KRI1: variants seen among roughly 807,000 people sequenced by gnomAD.
KRI1 encodes KRI1 homolog.
A neutral mutation model predicts 97.0 loss-of-function variants in KRI1; 83 were observed. That is an observed-to-expected ratio of 0.86 (90% CI 0.72 to 1.03). The LOEUF is 1.03. KRI1 is among the 50% of genes least tolerant of loss of function. KRI1 has a pLI of 0.00. For synonymous variants in KRI1, 371 were observed against 363.5 expected, an observed-to-expected ratio of 1.02 and a Z score of -0.23; for missense variants, 916 against 928.4, an observed-to-expected ratio of 0.99 and a Z score of 0.17.
Position 10,561,821 on chromosome 19 carries a change from T to A in KRI1, c.408A>T (p.Ser136=), listed in dbSNP as rs1371065865. The A allele has an allele frequency of 6.2e-7, 1 of 1,613,988 alleles. No homozygotes were observed. The highest frequency in any genetic ancestry group is 1.7e-5 in the Admixed American group (1 of 59,994). The change falls in exon 5 of 19, where the codon TCA becomes TCT. Residue 136 remains serine (S), a synonymous_variant. Coordinates refer to ENST00000312962, the MANE Select transcript of KRI1 (RefSeq NM_023008.5). Reference sequence around the variant, plus strand: ...GTCTGTGATTGGAAGTCTCCCCGTCTGAGTTCTCCTCATCAACATATTTGC... The same window carrying A: ...GTCTGTGATTGGAAGTCTCCCCGTCAGAGTTCTCCTCATCAACATATTTGC... ...KAGKYVDEEN[S]DGETSNHRLQ...
intron 12 of KRI1, 110 bp downstream of exon 12, chr19:10,559,249 C>A (rs1044143220): frequency 8.3e-6 from 10 of 1,211,268 alleles, no homozygotes; most frequent in Middle Eastern, 4.0e-4. Flanking sequence ...AGGTGATCTG[C>A]CTGCCTTAGC....
At chr19:10,565,152 G>T in intron 2 of KRI1, 118 bp from the exon 3 acceptor site, 1 of 716,500 alleles carries the variant, frequency 1.4e-6, no homozygotes, top group Non-Finnish European at 2.5e-6. Context: ...GGCTGGGGAG[G>T]TCAAACAGGT....
chr19:10,556,627 A>C (rs1279905945), intron 16 of KRI1, among the ~76,000 whole-genome samples: 1 of 151,758 alleles, frequency 6.6e-6, no homozygotes, highest in Non-Finnish European at 1.5e-5. Flanking sequence ...AGTTTGCACC[A>C]CCGCATGCCG....
At position 10,565,936 on chromosome 19, in the gene KRI1, G is replaced by A. The variant is rs1282271636; in HGVS notation, c.64C>T (p.Arg22Cys). Reference sequence around the variant, plus strand: ...TGCAGTTCCTCGCGCTCCCGGTAGCGGTTGTACCGCGCGGCAAACGCCGCG... The same window carrying A: ...TGCAGTTCCTCGCGCTCCCGGTAGCAGTTGTACCGCGCGGCAAACGCCGCG... Reference protein sequence around the residue: ...VNAAFAARYNRYREREELQRL... With the variant: ...VNAAFAARYNCYREREELQRL... Residue 22 changes from arginine (R) to cysteine (C), a missense_variant, in exon 1 of 19, where the codon CGC (arginine) becomes TGC (cysteine). Physicochemically the swap from Arg to Cys is radical, Grantham distance 180. Transcript: ENST00000312962. 3 of 1,532,934 alleles carry A rather than the reference G, an allele frequency of 2.0e-6. No homozygotes were observed. The highest frequency in any genetic ancestry group is 2.4e-5 in the South Asian group (2 of 82,916). 95.0% of individuals were successfully genotyped at this position (1,532,934 alleles called of 1,614,324 possible).
intron 3 of KRI1, 130 bp from the exon 4 acceptor site, chr19:10,562,967 A>G (rs1916745237): frequency 3.1e-6 from 2 of 655,714 alleles, no homozygotes; most frequent in Admixed American, 2.5e-5. Context: ...CCAGCTGTCC[A>G]AGAGTATTGT....
chr19:10,559,371 G>A lies in KRI1; in HGVS notation c.1182C>T (p.Asp394=), dbSNP rs769549520. Residue 394 remains aspartate (D), a synonymous_variant, in exon 12 of 19, where the codon GAC becomes GAT. Transcript: ENST00000312962. ...LEDDFDPAQH[D]QLMQKCFGDE... is the part of the protein sequence containing the mutation. The stretch of plus-strand genomic sequence containing the variant: ...ATGAGGGCCGCACCTGCATGAGCTG[G>A]TCGTGCTGGGCAGGGTCGAAGTCGT... 1.2e-6 allele frequency: 2 copies of A among 1,613,874 alleles called. No homozygotes were observed. The highest frequency in any genetic ancestry group is 1.7e-5 in the Admixed American group (1 of 59,990).
At chr19:10,561,952 G>T in intron 4 of KRI1, 107 bp from the exon 5 acceptor site, 1 of 964,372 alleles carries the variant, frequency 1.0e-6, no homozygotes, top group Non-Finnish European at 1.6e-6. Context: ...GGTCATCGGA[G>T]GGCTATGGAA....
intron 2 of KRI1, 171 bp downstream of exon 2, chr19:10,565,546 C>T (rs1916839007): frequency 1.2e-6 from 1 of 827,824 alleles, no homozygotes; most frequent in Middle Eastern, 3.7e-4. Context: ...GATTTGGCTC[C>T]CCTGGGGAGA....
rs148099584 is a variant in KRI1 at position 10,557,688 on chromosome 19, C to G, written c.1487-6G>C. ...CTCCTCGAACGTCTTGTCCCCTGCTCGAGACAGAGCCAGGCTGCTGGGCTA... is the reference window on the plus strand; with the variant it reads ...CTCCTCGAACGTCTTGTCCCCTGCTGGAGACAGAGCCAGGCTGCTGGGCTA... On this transcript the variant is annotated splice_region_variant and splice_polypyrimidine_tract_variant and intron_variant, in intron 15 of 18. Coordinates refer to ENST00000312962, the MANE Select transcript of KRI1 (RefSeq NM_023008.5). The G allele has an allele frequency of 1.2e-6, 2 of 1,614,152 alleles. No individual in the cohort carries two copies. The highest frequency in any genetic ancestry group is 1.7e-6 in the Non-Finnish European group (2 of 1,180,012).
chr19:10,554,339 G>T, intron 18 of KRI1, 58 bp from the exon 19 acceptor site: 1 of 1,426,384 alleles, frequency 7.0e-7, no homozygotes, highest in Non-Finnish European at 9.8e-7. Context: ...CCATTCTTGA[G>T]CACGCATGCC....
intron 3 of KRI1, 61 bp from the exon 4 acceptor site, chr19:10,562,898 A>T (rs1916744025): frequency 9.5e-7 from 1 of 1,049,092 alleles, no homozygotes; most frequent in South Asian, 1.3e-5. Flanking sequence ...CGTGGCAGAG[A>T]ATCCCACAGG....
At chr19:10,556,434 G>A (rs546146714) in intron 16 of KRI1, among the ~76,000 whole-genome samples, 18 of 151,468 alleles carry the variant, frequency 1.2e-4, no homozygotes, top group Non-Finnish European at 2.2e-4. Flanking sequence ...TTGGGAGGCT[G>A]AGGCAGGCAG....
At position 10,553,869 on chromosome 19, in the gene KRI1, C is replaced by T. The variant is rs1314478676; in HGVS notation, c.*82G>A. On this transcript the variant is annotated 3_prime_UTR_variant, in exon 19 of 19. Transcript: ENST00000312962. Reference sequence around the variant, plus strand: ...GCCACAGATGAGAGGATCTCTGCAGCAGATAGTACTTGTGGGTGCGAGACC... The same window carrying T: ...GCCACAGATGAGAGGATCTCTGCAGTAGATAGTACTTGTGGGTGCGAGACC... 1.7e-6 allele frequency: 2 copies of T among 1,157,514 alleles called. No individual in the cohort carries two copies. Among genetic ancestry groups the T allele is most frequent in the Non-Finnish European group, 2.4e-6 (2 of 841,418 alleles). 71.7% of individuals were successfully genotyped at this position (1,157,514 alleles called of 1,614,324 possible). A position where few individuals can be genotyped will look rare whatever the true frequency, so the allele number is the denominator to read the frequency against.
intron 18 of KRI1, 125 bp from the exon 19 acceptor site, chr19:10,554,406 G>A: frequency 1.3e-6 from 1 of 787,830 alleles, no homozygotes; most frequent in East Asian, 2.7e-5. Flanking sequence ...AGCGACCGAG[G>A]GCCTGCCTGG....
At chr19:10,558,939 T>C (rs1384791574) in intron 12 of KRI1, among the ~76,000 whole-genome samples, 5 of 151,814 alleles carry the variant, frequency 3.3e-5, no homozygotes, top group Admixed American at 3.3e-4. Flanking sequence ...TCTCCTGACC[T>C]CGTGATCCGC....
chr19:10,557,677 T>C lies in KRI1; in HGVS notation c.1492A>G (p.Lys498Glu), dbSNP rs139776703. The change falls in exon 16 of 19, where the codon AAG (lysine) becomes GAG (glutamate). Residue 498 changes from lysine (K) to glutamate (E), a missense_variant. By Grantham distance (56) the Lys-to-Glu change is moderately conservative (BLOSUM62 1). This residue lies in a region of KRI1 where 672 missense variants were observed against 667.2 expected (regional missense o/e 1.01). Coordinates refer to ENST00000312962, the MANE Select transcript of KRI1 (RefSeq NM_023008.5). ...TCATCCAGGTACTCCTCGAACGTCT[T>C]GTCCCCTGCTCGAGACAGAGCCAGG... ...QEKPVFEPGDKTFEEYLDEYY... is the reference protein window; with the variant it reads ...QEKPVFEPGDETFEEYLDEYY... 136 of 1,614,168 alleles carry C rather than the reference T, an allele frequency of 8.4e-5. No individual in the cohort carries two copies. The highest frequency in any genetic ancestry group is 5.1e-4 in the African/African-American group (38 of 75,038).
chr19:10,560,908 CAT>C (rs1302511466), intron 8 of KRI1, 93 bp downstream of exon 8: 19 of 941,022 alleles, frequency 2.0e-5, no homozygotes, highest in Non-Finnish European at 3.2e-5. Flanking sequence ...CAGAGATGTA[CAT>C]ATCCCATCTT....
At chr19:10,565,814 C>CCCCG (rs761321048) in intron 1 of KRI1, 24 bp from the exon 2 acceptor site, 1 of 1,549,918 alleles carries the variant, frequency 6.5e-7, no homozygotes, top group Non-Finnish European at 8.7e-7. Flanking sequence ...ACGGGATGCC[C>CCCCG]CCCCCCAGGT....
At chr19:10,565,311 G>A (rs1024086784) in intron 2 of KRI1, 3 of 551,152 alleles carry the variant, frequency 5.4e-6, no homozygotes, top group Non-Finnish European at 9.6e-6. Context: ...GGTGGGCTGA[G>A]GGCACAAGAG....
Sources: gnomAD v4.1 joint callset for allele counts (sites outside exome capture counted in the v4.1 genomes callset) on GRCh38, gnomAD v4.1.1 for gene constraint, gnomAD v4.1.1 regional missense constraint, MANE v1.5 for transcripts, NCBI Gene and HGNC (gene_info 2026-07-23, HGNC 2026-07-21) for gene names.